Variants in GCNT2 observed in about 807,000 individuals in gnomAD.
GCNT2 encodes N-acetyllactosaminide beta-1,6-N-acetylglucosaminyl-transferase.
In GCNT2, 34 loss-of-function variants were observed where a neutral mutation model predicts 34.2. The observed-to-expected ratio is 1.00, with a 90% CI of 0.76 to 1.32. The LOEUF (loss-of-function observed/expected upper bound fraction) is 1.32, where lower values mean the gene tolerates loss of function less well. Ranked by LOEUF, GCNT2 falls within the 40% of genes most tolerant of loss-of-function variation. The pLI is 0.00. For synonymous variants in GCNT2, 212 were observed against 188.0 expected (o/e 1.13, Z -1.04); for missense variants, 584 against 489.4 (o/e 1.19, Z -1.82).
chr6:10,540,596 G>A (rs1761997903), intron 3 of GCNT2, among the ~76,000 whole-genome samples: 1 of 151,922 alleles, frequency 6.6e-6, no homozygotes, highest in Non-Finnish European at 1.5e-5. Context: ...CCTAATGATT[G>A]GCCCAGGACC....
intron 3 of GCNT2, among the ~76,000 whole-genome samples, chr6:10,577,572 C>G (rs1372756996): frequency 1.3e-5 from 2 of 152,114 alleles, no homozygotes; most frequent in Non-Finnish European, 2.9e-5. Context: ...TAGAATTTCA[C>G]TCTTTTTGCC....
intron 3 of GCNT2, among the ~76,000 whole-genome samples, chr6:10,565,678 TCTAC>T (rs916690437): frequency 7.2e-5 from 11 of 152,204 alleles, no homozygotes; most frequent in Admixed American, 2.6e-4. Flanking sequence ...TCTACCTTTC[TCTAC>T]CTACAACAGT....
At chr6:10,615,165 G>T (rs1345968188) in intron 3 of GCNT2, among the ~76,000 whole-genome samples, 1 of 152,158 alleles carries the variant, frequency 6.6e-6, no homozygotes, top group African/African-American at 2.4e-5. Context: ...GAGGAAAAAA[G>T]GACAGTGCTG....
At position 10,626,591 on chromosome 6, in the gene GCNT2, C is replaced by T. The variant is rs754940471; in HGVS notation, c.1193C>T (p.Pro398Leu). 1.2e-6 allele frequency: 2 copies of T among 1,613,202 alleles called. No homozygotes were observed. Among genetic ancestry groups the T allele is most frequent in the South Asian group, 1.1e-5 (1 of 91,072 alleles). ...TLNQSETAIQ[P>L]SWYF ...AATCAGAGTGAAACTGCGATACAAC[C>T]CAGCTGGTATTTTTGAGCTATTCAT... Residue 398 changes from proline (P) to leucine (L), a missense_variant, in exon 5 of 5, where the codon CCC (proline) becomes CTC (leucine). Pro to Leu is a moderately conservative substitution (Grantham distance 98). Transcript: ENST00000495262.
At chr6:10,549,042 C>A (rs1193960567) in intron 3 of GCNT2, among the ~76,000 whole-genome samples, 3 of 152,188 alleles carry the variant, frequency 2.0e-5, no homozygotes, top group Admixed American at 2.0e-4. Flanking sequence ...CAGGAGTGTG[C>A]CACCGCGCCC....
At position 10,529,618 on chromosome 6, in the gene GCNT2, T is replaced by C. The variant is rs1325862826; in HGVS notation, c.707T>C (p.Leu236Pro). The change falls in exon 3 of 5, where the codon CTG (leucine) becomes CCG (proline). Residue 236 changes from leucine to proline, a missense_variant. By Grantham distance (98) the Leu-to-Pro change is moderately conservative (BLOSUM62 -3). Coordinates refer to ENST00000495262, the MANE Select transcript of GCNT2 (RefSeq NM_145649.5). ...CGGACTAAATACGTCCACCAAGAAC[T>C]GTTAAACCACAAAAATTCCTACGTG... ...VGRTKYVHQELLNHKNSYVIK... is the reference protein window; with the variant it reads ...VGRTKYVHQEPLNHKNSYVIK... 1 of 1,613,978 alleles carries C rather than the reference T, an allele frequency of 6.2e-7. No homozygotes were observed. Among genetic ancestry groups the C allele is most frequent in the Middle Eastern group, 1.6e-4 (1 of 6,062 alleles).
intron 3 of GCNT2, among the ~76,000 whole-genome samples, chr6:10,532,953 A>G (rs1180761643): frequency 2.6e-5 from 3 of 116,590 alleles, no homozygotes; most frequent in Non-Finnish European, 5.1e-5. Context: ...TGCGAGGGAC[A>G]TTTTGAGATT....
At chr6:10,521,823 TTA>T (rs967466571) in intron 1 of GCNT2, among the ~76,000 whole-genome samples, 1 of 152,026 alleles carries the variant, frequency 6.6e-6, no homozygotes, top group Non-Finnish European at 1.5e-5. Context: ...ACTTAATGGT[TTA>T]TGTTTCTCAG....
intron 3 of GCNT2, among the ~76,000 whole-genome samples, chr6:10,560,858 G>T (rs1224218821): frequency 1.3e-5 from 2 of 152,086 alleles, no homozygotes; most frequent in Non-Finnish European, 2.9e-5. Flanking sequence ...GTCCTTAGGG[G>T]CCCCAGTCTC....
At chr6:10,538,584 C>T (rs1431059439) in intron 3 of GCNT2, among the ~76,000 whole-genome samples, 1 of 151,306 alleles carries the variant, frequency 6.6e-6, no homozygotes, top group Non-Finnish European at 1.5e-5. Context: ...GGCTTAGTTG[C>T]TGAAAGTCAT....
At chr6:10,541,258 C>T (rs911666879) in intron 3 of GCNT2, among the ~76,000 whole-genome samples, 1 of 152,124 alleles carries the variant, frequency 6.6e-6, no homozygotes, top group African/African-American at 2.4e-5. Context: ...TGAGAACATG[C>T]GGTGTTTGGG....
rs188332762 is a variant in GCNT2 at position 10,620,470 on chromosome 6, A to C, written c.926-881A>C. 1.1e-4 allele frequency among the ~76,000 whole-genome samples: 16 copies of C among 151,886 alleles called. No homozygotes were observed. In the East Asian group the frequency reaches 2.5e-3, roughly 24 times the overall value. ...AACCCAGGCTGGAGTACAGTGGCAC[A>C]ATCATGGCTCATTGCAGCCTTGACC... On this transcript the variant is annotated intron_variant, in intron 3 of 4. Coordinates refer to ENST00000495262, the MANE Select transcript of GCNT2 (RefSeq NM_145649.5).
chr6:10,572,122 G>A (rs1013891862), intron 3 of GCNT2, among the ~76,000 whole-genome samples: 9 of 152,036 alleles, frequency 5.9e-5, no homozygotes, highest in African/African-American at 1.2e-4. Context: ...TGGGCAAGCC[G>A]GGACAGTTGG....
At chr6:10,586,998 T>C in intron 3 of GCNT2, 3 of 991,236 alleles carry the variant, frequency 3.0e-6, no homozygotes, top group Non-Finnish European at 4.8e-6. Context: ...TTGAAATTAT[T>C]ATGAAATAAA....
intron 3 of GCNT2, among the ~76,000 whole-genome samples, chr6:10,567,620 C>T (rs564649016): frequency 6.6e-6 from 1 of 152,152 alleles, no homozygotes; most frequent in African/African-American, 2.4e-5. Flanking sequence ...GTACATATTT[C>T]TTGGATGTAT....
chr6:10,603,941 G>A (rs1581472479), intron 3 of GCNT2, among the ~76,000 whole-genome samples: 1 of 151,144 alleles, frequency 6.6e-6, no homozygotes, highest in East Asian at 1.9e-4. Context: ...CTATCACCAG[G>A]CTGGAGTGCA....
rs77125768 is a variant in GCNT2 at position 10,532,002 on chromosome 6, C to A, written c.925+2166C>A. Among the ~76,000 whole-genome samples the A allele has an allele frequency of 5.6e-3, 848 of 151,462 alleles. 9 individuals are homozygous for A. Among genetic ancestry groups the A allele is most frequent in the African/African-American group, 0.02 (814 of 41,240 alleles). The stretch of plus-strand genomic sequence containing the variant: ...TTTGCTCAGGAAAGAGAAATTAGAC[C>A]AACTCTGTCGTTTTGGAAGTAGAAT... On this transcript the variant is annotated intron_variant, in intron 3 of 4. Transcript: ENST00000495262.
chr6:10,615,876 G>A (rs74712647), intron 3 of GCNT2, among the ~76,000 whole-genome samples: 19,570 of 152,156 alleles, frequency 0.13, 2,060 homozygotes, highest in African/African-American at 0.28. Flanking sequence ...TGCTCTCATC[G>A]CCACTTTGGT....
intron 3 of GCNT2, among the ~76,000 whole-genome samples, chr6:10,544,760 G>A (rs148545942): frequency 0.016 from 2,433 of 150,284 alleles, 28 homozygotes; most frequent in African/African-American, 0.025. Context: ...CCTGGCCAAC[G>A]TGGTGAAACC....
Sources: gnomAD v4.1 joint callset for allele counts (sites outside exome capture counted in the v4.1 genomes callset) on GRCh38, gnomAD v4.1.1 for gene constraint, MANE v1.5 for transcripts, NCBI Gene and HGNC (gene_info 2026-07-23, HGNC 2026-07-21) for gene names.